The following ATP10B variants were observed in gnomAD, a reference collection of about 807,000 sequenced individuals.
ATP10B encodes phospholipid-transporting ATPase VB.
A neutral mutation model predicts 141.2 loss-of-function variants in ATP10B; 122 were observed. The ratio of observed to expected loss-of-function variants is 0.86; its 90% CI spans 0.75 to 1.00. The LOEUF is 1.00. Among genes scored for constraint, ATP10B ranks in the 50% least tolerant of loss-of-function variants. ATP10B has a pLI of 0.00. For missense variants in ATP10B, 1,876 were observed against 1,825.3 expected, an observed-to-expected ratio of 1.03 and a Z score of -0.51; for synonymous variants, 685 against 692.0, an observed-to-expected ratio of 0.99 and a Z score of 0.16.
At chr5:160,915,614 G>A in the ATP10B span, among the ~76,000 whole-genome samples, 1 of 152,174 alleles carries the variant, frequency 6.6e-6, no homozygotes, top group Non-Finnish European at 1.5e-5. Context: ...TCACAGGTGT[G>A]AGCCACAGCG....
At chr5:160,679,784 C>T (rs1054869616) in intron 6 of ATP10B, among the ~76,000 whole-genome samples, 1 of 152,138 alleles carries the variant, frequency 6.6e-6, no homozygotes, top group Non-Finnish European at 1.5e-5. Context: ...GGTTTCATTA[C>T]AATAAGGAAC....
chr5:160,694,629 TTC>T (rs1182062978), intron 3 of ATP10B, among the ~76,000 whole-genome samples: 1 of 152,182 alleles, frequency 6.6e-6, no homozygotes, highest in Non-Finnish European at 1.5e-5. Context: ...TCCAGTTCCT[TTC>T]TGTTTCATTT....
upstream of ATP10B, among the ~76,000 whole-genome samples, chr5:160,852,653 C>T (rs1753869893): frequency 6.6e-6 from 1 of 152,020 alleles, no homozygotes; most frequent in African/African-American, 2.4e-5. Flanking sequence ...GAAAGTGGGA[C>T]CAATATATTA....
At chr5:160,922,830 A>C in the ATP10B span, among the ~76,000 whole-genome samples, 1 of 152,094 alleles carries the variant, frequency 6.6e-6, no homozygotes, top group Non-Finnish European at 1.5e-5. Context: ...CTTATATCCT[A>C]ATGGGGCCCC....
intron 2 of ATP10B, among the ~76,000 whole-genome samples, chr5:160,749,615 A>T (rs1263771232): frequency 6.6e-6 from 1 of 152,136 alleles, no homozygotes; most frequent in Non-Finnish European, 1.5e-5. Context: ...TGAACACATC[A>T]CCTAGTTGTG....
intron 1 of ATP10B, among the ~76,000 whole-genome samples, chr5:160,808,101 C>A (rs908883917): frequency 6.6e-6 from 1 of 152,138 alleles, no homozygotes; most frequent in African/African-American, 2.4e-5. Flanking sequence ...AACACCTTGA[C>A]TGGATCTTTA....
intron 1 of ATP10B, among the ~76,000 whole-genome samples, chr5:160,828,770 C>A (rs1295739095): frequency 1.3e-5 from 2 of 151,526 alleles, no homozygotes; most frequent in Non-Finnish European, 2.9e-5. Context: ...ATGTTTATTG[C>A]GGCACTATTC....
At chr5:160,677,157 G>A (rs1009363684) in intron 6 of ATP10B, among the ~76,000 whole-genome samples, 12 of 152,220 alleles carry the variant, frequency 7.9e-5, no homozygotes, top group East Asian at 1.9e-4. Context: ...ACAAGAGTGC[G>A]GAGCATCAGG....
intron 1 of ATP10B, among the ~76,000 whole-genome samples, chr5:160,832,425 T>G (rs1157006133): frequency 6.6e-6 from 1 of 152,142 alleles, no homozygotes; most frequent in Non-Finnish European, 1.5e-5. Flanking sequence ...AAAAATGCCC[T>G]CAACACATTG....
intron 1 of ATP10B, among the ~76,000 whole-genome samples, chr5:160,850,328 A>G (rs539049558): frequency 1.1e-4 from 16 of 152,114 alleles, no homozygotes; most frequent in Middle Eastern, 3.4e-3. Context: ...GGAGGCTGAG[A>G]TGGGAGAATT....
chr5:160,596,000 C>T (rs1756663445), intron 22 of ATP10B, among the ~76,000 whole-genome samples: 1 of 152,042 alleles, frequency 6.6e-6, no homozygotes, highest in South Asian at 2.1e-4. Flanking sequence ...TGAAACTATT[C>T]CAATCAATAG....
At chr5:160,673,488 C>G (rs1762844223) in intron 6 of ATP10B, among the ~76,000 whole-genome samples, 1 of 151,776 alleles carries the variant, frequency 6.6e-6, no homozygotes, top group South Asian at 2.1e-4. Flanking sequence ...CTATAGTCAC[C>G]GTTGTACTAT....
chr5:160,640,672 G>GGAGCTTAA, intron 9 of ATP10B, 80 bp from the exon 10 acceptor site: 1 of 1,528,818 alleles, frequency 6.5e-7, no homozygotes, highest in Non-Finnish European at 8.9e-7. Flanking sequence ...TCTTCTCACA[G>GGAGCTTAA]GAGCTTAAGA....
chr5:160,825,674 C>A (rs1044838514), intron 1 of ATP10B, among the ~76,000 whole-genome samples: 5 of 152,158 alleles, frequency 3.3e-5, no homozygotes, highest in African/African-American at 1.2e-4. Flanking sequence ...TCAGTAGCAT[C>A]CTTTAAAAAA....
chr5:160,754,207 A>T (rs1489249291), intron 2 of ATP10B, among the ~76,000 whole-genome samples: 2 of 152,230 alleles, frequency 1.3e-5, no homozygotes, highest in Admixed American at 6.5e-5. Flanking sequence ...TTGTTAAAAT[A>T]TAATAAAAAT....
intron 1 of ATP10B, among the ~76,000 whole-genome samples, chr5:160,832,710 TC>T (rs1775175163): frequency 6.6e-6 from 1 of 152,056 alleles, no homozygotes; most frequent in South Asian, 2.1e-4. Flanking sequence ...AAAACCCTCA[TC>T]TTCCTGACGA....
At chr5:160,706,990 G>A (rs940303771) in intron 3 of ATP10B, among the ~76,000 whole-genome samples, 81 of 151,368 alleles carry the variant, frequency 5.4e-4, no homozygotes, top group East Asian at 3.9e-4. Context: ...TCGCTTTGTC[G>A]CCCAGGCTGG....
At chr5:160,809,485 A>G (rs765840060) in intron 1 of ATP10B, among the ~76,000 whole-genome samples, 7 of 152,222 alleles carry the variant, frequency 4.6e-5, no homozygotes, top group Non-Finnish European at 1.0e-4. Flanking sequence ...TATGGTGATG[A>G]GATCAGGGTA....
chr5:160,907,364 TTA>T, the ATP10B span, among the ~76,000 whole-genome samples: 1 of 151,302 alleles, frequency 6.6e-6, no homozygotes, highest in Non-Finnish European at 1.5e-5. Flanking sequence ...GCTAAACTCT[TTA>T]CCTGCATTAT....
Sources: allele counts gnomAD v4.1 joint callset (sites outside exome capture counted in the v4.1 genomes callset), GRCh38; gene constraint gnomAD v4.1.1; transcripts MANE v1.5; gene names NCBI Gene and HGNC (gene_info 2026-07-23, HGNC 2026-07-21).